CPB2: variants seen among roughly 807,000 people sequenced by gnomAD.
CPB2 encodes the protein carboxypeptidase B-like protein.
CPB2 carries 54 observed loss-of-function variants against 57.0 expected under a neutral mutation model. The ratio of observed to expected loss-of-function variants is 0.95; its 90% CI spans 0.76 to 1.19. The LOEUF (loss-of-function observed/expected upper bound fraction) is 1.19. CPB2 is among the 50% of genes most tolerant of loss of function. CPB2 has a pLI of 0.00. For synonymous variants in CPB2, 189 were observed against 178.1 expected (o/e 1.06, Z -0.49); for missense variants, 426 against 512.0 (o/e 0.83, Z 1.62).
intron 8 of CPB2, among the ~76,000 whole-genome samples, chr13:46,059,296 G>C (rs1224023419): frequency 2.0e-5 from 3 of 152,134 alleles, no homozygotes; most frequent in Non-Finnish European, 4.4e-5. Context: ...TTTAGGAGAT[G>C]CAATCTGGAT....
chr13:46,058,084 C>T, intron 9 of CPB2, 95 bp downstream of exon 9: 1 of 1,134,254 alleles, frequency 8.8e-7, no homozygotes, highest in Non-Finnish European at 1.3e-6. Context: ...CATTTGCCTT[C>T]TAGAGGACAA....
At chr13:46,098,781 G>C (rs1357011773) in intron 1 of CPB2, 1 of 152,248 alleles carries the variant, frequency 6.6e-6, no homozygotes, top group Non-Finnish European at 1.5e-5. Context: ...CACAGGAACA[G>C]GTGAGGCCAT....
Position 46,073,855 on chromosome 13 carries a change from G to C in CPB2, c.591+18C>G, listed in dbSNP as rs1478285928. The C allele has an allele frequency of 6.7e-7, 1 of 1,489,622 alleles. No homozygotes were observed. 92.3% of individuals were successfully genotyped at this position (1,489,622 alleles called of 1,614,324 possible). A position where few individuals can be genotyped will look rare whatever the true frequency, so the allele number is the denominator to read the frequency against. On this transcript the variant is annotated intron_variant, in intron 6 of 10. Coordinates refer to ENST00000181383, the MANE Select transcript of CPB2 (RefSeq NM_001872.5). ...GCACCATTTTGAGAAATAGGGTTAAGAGAATGTGAATACTTACATGGCCTA... is the reference window on the plus strand; with the variant it reads ...GCACCATTTTGAGAAATAGGGTTAACAGAATGTGAATACTTACATGGCCTA...
chr13:46,066,382 A>G (rs536909998), intron 7 of CPB2, among the ~76,000 whole-genome samples: 2 of 152,294 alleles, frequency 1.3e-5, no homozygotes, highest in South Asian at 4.1e-4. Context: ...AAATCCTGAT[A>G]ATGGGAAACT....
chr13:46,054,486 ATGTT>A (rs1176910494), intron 10 of CPB2, among the ~76,000 whole-genome samples: 1 of 152,184 alleles, frequency 6.6e-6, no homozygotes, highest in Non-Finnish European at 1.5e-5. Flanking sequence ...GGTGAAAGAC[ATGTT>A]AATAATCCAA....
chr13:46,074,003 C>A, intron 5 of CPB2, 26 bp from the exon 6 acceptor site: 1 of 1,378,176 alleles, frequency 7.3e-7, no homozygotes, highest in Non-Finnish European at 1.0e-6. Flanking sequence ...CCAAAAGTAG[C>A]AAAAACAGTA....
At chr13:46,085,689 C>T (rs2045192836) in intron 2 of CPB2, among the ~76,000 whole-genome samples, 2 of 152,218 alleles carry the variant, frequency 1.3e-5, no homozygotes, top group African/African-American at 4.8e-5. Context: ...CAGCATTCCC[C>T]TCATCGCTTG....
At chr13:46,093,775 A>G (rs1360402344) in intron 1 of CPB2, among the ~76,000 whole-genome samples, 1 of 152,162 alleles carries the variant, frequency 6.6e-6, no homozygotes, top group East Asian at 1.9e-4. Flanking sequence ...GTGGCAGGGG[A>G]AGAACAAATG....
intron 5 of CPB2, 72 bp from the exon 6 acceptor site, chr13:46,074,049 A>G: frequency 5.1e-6 from 4 of 786,886 alleles, no homozygotes; most frequent in Non-Finnish European, 8.2e-6. Context: ...TCATTTATAT[A>G]GTGCTTATAT....
intron 1 of CPB2, among the ~76,000 whole-genome samples, chr13:46,103,807 T>C (rs2045463852): frequency 6.6e-6 from 1 of 152,196 alleles, no homozygotes; most frequent in Non-Finnish European, 1.5e-5. Context: ...AGTTATGGAA[T>C]ATTAGAACTA....
intron 9 of CPB2, among the ~76,000 whole-genome samples, chr13:46,057,290 A>G (rs757428900): frequency 6.6e-6 from 1 of 152,222 alleles, no homozygotes; most frequent in Non-Finnish European, 1.5e-5. Context: ...CTCAAGTATC[A>G]AGTACATTTA....
chr13:46,102,180 A>T (rs1180853287), intron 1 of CPB2, among the ~76,000 whole-genome samples: 2 of 151,922 alleles, frequency 1.3e-5, no homozygotes, highest in Non-Finnish European at 2.9e-5. Context: ...TTTATCCTCA[A>T]CCCTCCTCCA....
intron 8 of CPB2, among the ~76,000 whole-genome samples, chr13:46,060,182 G>A (rs1286111017): frequency 1.3e-5 from 2 of 152,042 alleles, no homozygotes; most frequent in African/African-American, 4.8e-5. Flanking sequence ...TAAAAAGAAG[G>A]CCAGGCACGG....
At chr13:46,066,702 A>T (rs6561283) in intron 7 of CPB2, among the ~76,000 whole-genome samples, 4 of 151,972 alleles carry the variant, frequency 2.6e-5, no homozygotes, top group African/African-American at 7.2e-5. Context: ...AAGCTTAGCC[A>T]GGCATGGTGG....
chr13:46,073,831 C>T (rs1256893261), intron 6 of CPB2, 42 bp downstream of exon 6: 2 of 1,319,128 alleles, frequency 1.5e-6, no homozygotes, highest in Non-Finnish European at 2.1e-6. Context: ...TGATCTTGGG[C>T]ACCATTTTGA....
At chr13:46,102,107 C>T (rs1282586677) in intron 1 of CPB2, among the ~76,000 whole-genome samples, 3 of 152,088 alleles carry the variant, frequency 2.0e-5, no homozygotes, top group Non-Finnish European at 4.4e-5. Flanking sequence ...CTCCAGGTAC[C>T]CAAACAGTAT....
intron 6 of CPB2, among the ~76,000 whole-genome samples, chr13:46,070,527 T>A (rs2044924386): frequency 6.6e-6 from 1 of 152,114 alleles, no homozygotes; most frequent in Admixed American, 6.5e-5. Context: ...CACTCAAGCT[T>A]TGCCTTTAAT....
At chr13:46,086,492 G>A (rs543826030) in intron 2 of CPB2, among the ~76,000 whole-genome samples, 204 of 152,244 alleles carry the variant, frequency 1.3e-3, no homozygotes, top group African/African-American at 4.7e-3. Flanking sequence ...TCTACAGCTG[G>A]TCCTCCCCAT....
At chr13:46,082,702 T>C (rs1187511565) in intron 3 of CPB2, among the ~76,000 whole-genome samples, 153 bp from the exon 4 acceptor site, 1 of 152,202 alleles carries the variant, frequency 6.6e-6, no homozygotes, top group Non-Finnish European at 1.5e-5. Flanking sequence ...ACATCTCGCA[T>C]TGTGGTAAAC....
Sources: allele counts gnomAD v4.1 joint callset (sites outside exome capture counted in the v4.1 genomes callset), GRCh38; gene constraint gnomAD v4.1.1; transcripts MANE v1.5; gene names NCBI Gene and HGNC (gene_info 2026-07-23, HGNC 2026-07-21).